The following MYH16 variants were observed in gnomAD, a reference collection of about 807,000 sequenced individuals.
MYH16 encodes putative uncharacterized protein MYH16.
intron 17 of MYH16, among the ~76,000 whole-genome samples, chr7:99,266,418 C>T (rs930855129): frequency 1.6e-4 from 24 of 152,178 alleles, no homozygotes; most frequent in African/African-American, 5.1e-4. Flanking sequence ...CATAGGGCCA[C>T]AGATTGATGG....
At chr7:99,292,334 G>C (rs1792396663) in exon 32 of MYH16, 1 of 456,720 alleles carries the variant, frequency 2.2e-6, no homozygotes, top group East Asian at 6.9e-5. Flanking sequence ...GCCGTGGTGA[G>C]TCTGGCCAAC....
chr7:99,277,935 G>A (rs752507503), intron 21 of MYH16, among the ~76,000 whole-genome samples: 1 of 143,784 alleles, frequency 7.0e-6, no homozygotes, highest in Non-Finnish European at 1.5e-5. Flanking sequence ...GAGAGAGAGA[G>A]AGACAGACAG....
intron 29 of MYH16, among the ~76,000 whole-genome samples, chr7:99,288,354 G>A (rs193068898): frequency 3.3e-5 from 5 of 152,236 alleles, no homozygotes; most frequent in South Asian, 2.1e-4. Flanking sequence ...CAGGAGGATC[G>A]CTTGAGCCCA....
At chr7:99,284,250 A>AC (rs1207665277) in intron 25 of MYH16, among the ~76,000 whole-genome samples, 3 of 152,112 alleles carry the variant, frequency 2.0e-5, no homozygotes, top group Non-Finnish European at 2.9e-5. Flanking sequence ...AAGCGCCACC[A>AC]CCCCAGGGAA....
At chr7:99,267,959 G>A (rs568791635) in intron 18 of MYH16, among the ~76,000 whole-genome samples, 6 of 152,234 alleles carry the variant, frequency 3.9e-5, no homozygotes, top group East Asian at 1.9e-4. Context: ...CACGCATGAC[G>A]CAGGCTTGGC....
chr7:99,253,510 T>TTGCAGCC (rs1253298935), intron 7 of MYH16: 1 of 152,132 alleles, frequency 6.6e-6, no homozygotes, highest in Non-Finnish European at 1.5e-5. Context: ...GTCCTTCTGA[T>TTGCAGCC]TGCAGCCTGT....
chr7:99,249,430 T>C (rs943994258), intron 4 of MYH16, among the ~76,000 whole-genome samples: 3 of 149,646 alleles, frequency 2.0e-5, no homozygotes, highest in Non-Finnish European at 4.4e-5. Flanking sequence ...TCCCAGCTAC[T>C]CAGGAGGCTG....
intron 1 of MYH16, among the ~76,000 whole-genome samples, chr7:99,241,556 A>G (rs192863507): frequency 1.0e-3 from 158 of 152,244 alleles, no homozygotes; most frequent in Non-Finnish European, 4.3e-4. Flanking sequence ...GCACTCCAGC[A>G]TGAGTGACAG....
intron 28 of MYH16, among the ~76,000 whole-genome samples, chr7:99,286,696 C>T (rs564848461): frequency 1.3e-5 from 2 of 152,224 alleles, no homozygotes; most frequent in Admixed American, 6.5e-5. Flanking sequence ...CAGTGGCTCA[C>T]GCCTGTAATC....
exon 34 of MYH16, chr7:99,296,772 GA>G (rs1380666041): frequency 2.2e-5 from 10 of 456,550 alleles, no homozygotes; most frequent in South Asian, 1.4e-4. Flanking sequence ...AGTGGCAGCA[GA>G]AGTGTGAGGA....
rs1214892167 is a variant in MYH16 at position 99,284,835 on chromosome 7, T to C, written n.3226-10T>C. The C allele has an allele frequency of 2.2e-6, 1 of 456,540 alleles. No individual in the cohort carries two copies. The highest frequency in any genetic ancestry group is 2.3e-5 in the Admixed American group (1 of 42,566). The allele number at this position is 456,540 out of a possible 1,614,324, so 28.3% of individuals were successfully genotyped here. ...AGCCTTTCCTCAGGAGACCAACCCT[T>C]CCCTTGCAGGAGGGATTTGGAAATA... On this transcript the variant is annotated splice_polypyrimidine_tract_variant and intron_variant and non_coding_transcript_variant, in intron 25 of 41. Coordinates refer to ENST00000439784, the Ensembl canonical transcript of MYH16.
chr7:99,307,869 C>T (rs1374060373), downstream of MYH16, among the ~76,000 whole-genome samples: 1 of 152,024 alleles, frequency 6.6e-6, no homozygotes, highest in African/African-American at 2.4e-5. Flanking sequence ...GTGCACACCA[C>T]CATGCCCAGC....
chr7:99,288,037 G>A (rs927154526), exon 29 of MYH16: 8 of 456,656 alleles, frequency 1.8e-5, no homozygotes, highest in African/African-American at 1.6e-4. Flanking sequence ...CATGTGGAGA[G>A]CCTGCAGAGG....
chr7:99,255,389 A>G (rs1791858668), intron 8 of MYH16, among the ~76,000 whole-genome samples: 1 of 150,124 alleles, frequency 6.7e-6, no homozygotes, highest in Admixed American at 6.7e-5. Context: ...TCAAGGCTGC[A>G]GTGAGCTATG....
At chr7:99,288,237 T>G (rs1458274879) in intron 29 of MYH16, 100 bp downstream of exon 10, 2 of 413,216 alleles carry the variant, frequency 4.8e-6, no homozygotes, top group Admixed American at 5.1e-5. Flanking sequence ...AGGCCAGGAG[T>G]TGGGGACCAG....
intron 20 of MYH16, among the ~76,000 whole-genome samples, chr7:99,274,928 C>T (rs529178386): frequency 6.6e-6 from 1 of 152,016 alleles, no homozygotes; most frequent in Non-Finnish European, 1.5e-5. Context: ...CCCGCCTTGG[C>T]CTCCCAAAGT....
intron 6 of MYH16, among the ~76,000 whole-genome samples, chr7:99,252,117 G>A (rs780000404): frequency 5.9e-5 from 9 of 152,198 alleles, no homozygotes; most frequent in Non-Finnish European, 1.0e-4. Flanking sequence ...TCACAGCAGC[G>A]AGAAGCTGCA....
exon 23 of MYH16, chr7:99,280,910 A>G: frequency 2.4e-6 from 1 of 418,582 alleles, no homozygotes; most frequent in East Asian, 9.3e-5. Context: ...CTGACGGGGG[A>G]CCTCTCACTC....
At chr7:99,248,162 T>G (rs1791756276) in intron 3 of MYH16, among the ~76,000 whole-genome samples, 1 of 152,210 alleles carries the variant, frequency 6.6e-6, no homozygotes, top group African/African-American at 2.4e-5. Flanking sequence ...TGGAGTGCAA[T>G]GGTGCAATAG....
Sources: gnomAD v4.1 joint callset for allele counts (sites outside exome capture counted in the v4.1 genomes callset) on GRCh38, gnomAD v4.1.1 for gene constraint, MANE v1.5 for transcripts, NCBI Gene and HGNC (gene_info 2026-07-23, HGNC 2026-07-21) for gene names.